Variants in BPTF observed in about 807,000 individuals in gnomAD.
The protein encoded by BPTF is nucleosome-remodeling factor subunit BPTF.
BPTF carries 18 observed loss-of-function variants against 292.5 expected under a neutral mutation model. That is an observed-to-expected ratio of 0.06 (90% CI 0.04 to 0.09). The LOEUF (loss-of-function observed/expected upper bound fraction) is 0.09. Among genes scored for constraint, BPTF ranks in the 10% least tolerant of loss-of-function variants. The pLI is 1.00. For synonymous variants in BPTF, 1,225 were observed against 1,251.9 expected (o/e 0.98, Z 0.45); for missense variants, 2,726 against 3,498.7 (o/e 0.78, Z 5.57).
At chr17:67,913,285 A>G in intron 11 of BPTF, 98 bp downstream of exon 11, 1 of 1,457,592 alleles carries the variant, frequency 6.9e-7, no homozygotes, top group Non-Finnish European at 9.1e-7. Context: ...AATAGAGATA[A>G]GACAGGAAAC....
chr17:67,890,200 C>T (rs374542465), intron 4 of BPTF, among the ~76,000 whole-genome samples: 23 of 152,246 alleles, frequency 1.5e-4, no homozygotes, highest in African/African-American at 5.3e-4. Context: ...ATACATCAAA[C>T]TTGCTTAAAA....
chr17:67,897,377 G>GT (rs2061524357), intron 7 of BPTF, among the ~76,000 whole-genome samples: 1 of 91,682 alleles, frequency 1.1e-5, no homozygotes, highest in East Asian at 3.2e-4. Flanking sequence ...AAAAAGTAAA[G>GT]AAAGAGACAT....
In BPTF at chr17:67,825,816, C is replaced by T. The variant is rs2055938658; in HGVS notation, c.92C>T (p.Pro31Leu). 1.6e-5 allele frequency: 16 copies of T among 1,024,780 alleles called. No homozygotes were observed. Among genetic ancestry groups the T allele is most frequent in the Non-Finnish European group, 1.9e-5 (16 of 857,758 alleles). The allele number at this position is 1,024,780 out of a possible 1,614,324, so 63.5% of individuals were successfully genotyped here. A position where few individuals can be genotyped will look rare whatever the true frequency, so the allele number is the denominator to read the frequency against. ...APAPPPPPPP[P>L]TSGPIGGLRS... is the part of the protein sequence containing the mutation. Reference sequence around the variant, plus strand: ...GCCCCGCCGCCACCGCCGCCGCCGCCCACGTCCGGACCCATCGGGGGGCTC... The same window carrying T: ...GCCCCGCCGCCACCGCCGCCGCCGCTCACGTCCGGACCCATCGGGGGGCTC... The change falls in exon 1 of 28, where the codon CCC (proline) becomes CTC (leucine). Residue 31 changes from proline (P) to leucine (L), a missense_variant. Transcript: ENST00000306378.
rs28677969 is a variant in BPTF at position 67,896,184 on chromosome 17, C to T, written c.2543+2019C>T. Among the ~76,000 whole-genome samples, 9 of 151,520 alleles carry T rather than the reference C, an allele frequency of 5.9e-5. No homozygotes were observed. In the South Asian group the frequency reaches 1.7e-3, roughly 28 times the overall value. On this transcript the variant is annotated intron_variant, in intron 7 of 27. Coordinates refer to ENST00000306378, the MANE Select transcript of BPTF (RefSeq NM_182641.4). Reference sequence around the variant, plus strand: ...TCACCGTGTTAGCCAGGATGGTCTCCATCTCCTGACCTTGTGATCCGCCCG... The same window carrying T: ...TCACCGTGTTAGCCAGGATGGTCTCTATCTCCTGACCTTGTGATCCGCCCG...
intron 4 of BPTF, among the ~76,000 whole-genome samples, chr17:67,878,061 T>TC (rs2060154895): frequency 1.3e-5 from 2 of 152,236 alleles, no homozygotes; most frequent in African/African-American, 2.4e-5. Flanking sequence ...CCACTACACC[T>TC]AGCCCAACAA....
intron 27 of BPTF, 161 bp from the exon 28 acceptor site, chr17:67,982,091 G>A (rs1401581119): frequency 1.5e-6 from 1 of 685,080 alleles, no homozygotes; most frequent in Admixed American, 2.1e-5. Flanking sequence ...AATATTATAG[G>A]TTAAAATTTT....
Position 67,874,909 on chromosome 17 carries a change from A to G in BPTF, c.1753A>G (p.Asn585Asp), listed in dbSNP as rs774586985. The stretch of plus-strand genomic sequence containing the variant: ...AGAAAAAGACAAGAATGAGACTGAG[A>G]ATGACTCTAAAGATGCTGAGAAAAA... Reference protein sequence around the residue: ...ETEKDKNETENDSKDAEKNRE... With the variant: ...ETEKDKNETEDDSKDAEKNRE... Residue 585 changes from asparagine (N) to aspartate (D), a missense_variant, in exon 4 of 28, where the codon AAT becomes GAT. By Grantham distance (23) the Asn-to-Asp change is conservative (BLOSUM62 1). Transcript: ENST00000306378. 1 of 1,613,708 alleles carries G rather than the reference A, an allele frequency of 6.2e-7. No homozygotes were observed.
intron 14 of BPTF, among the ~76,000 whole-genome samples, chr17:67,924,266 G>A (rs1162015243): frequency 6.6e-6 from 1 of 151,960 alleles, no homozygotes; most frequent in Non-Finnish European, 1.5e-5. Flanking sequence ...GAGCCACTGT[G>A]CCCAGCTCCG....
At chr17:67,931,036 G>GT (rs2064340654) in intron 17 of BPTF, among the ~76,000 whole-genome samples, 1 of 145,124 alleles carries the variant, frequency 6.9e-6, no homozygotes, top group African/African-American at 2.9e-5. Context: ...GGAAGCCAAG[G>GT]GGGGCGGATC....
intron 1 of BPTF, among the ~76,000 whole-genome samples, chr17:67,836,769 A>G (rs2057165377): frequency 6.6e-6 from 1 of 152,232 alleles, no homozygotes; most frequent in Non-Finnish European, 1.5e-5. Context: ...ATTATTTCAC[A>G]CACTTCTTAA....
At chr17:67,845,028 C>T (rs546331272) in intron 1 of BPTF, among the ~76,000 whole-genome samples, 1 of 152,352 alleles carries the variant, frequency 6.6e-6, no homozygotes, top group African/African-American at 2.4e-5. Context: ...CAGGCATGAG[C>T]CACTGCGCCC....
In BPTF at chr17:67,983,551, G is replaced by A. The variant is rs1490782425; in HGVS notation, c.*1263G>A. ...TTGTTGGTTTGTTTGTTTCTTCCAC[G>A]TAAGGAAAAGTAGTGTAAACAGTAG... On this transcript the variant is annotated 3_prime_UTR_variant, in exon 28 of 28. Coordinates refer to ENST00000306378, the MANE Select transcript of BPTF (RefSeq NM_182641.4). 6.6e-6 allele frequency: 1 copy of A among 152,532 alleles called. No individual in the cohort carries two copies. Among genetic ancestry groups the A allele is most frequent in the Non-Finnish European group, 1.5e-5 (1 of 68,034 alleles). The allele number at this position is 152,532 out of a possible 1,614,324, so 9.4% of individuals were successfully genotyped here.
At chr17:67,900,466 C>T (rs2061756950) in intron 7 of BPTF, among the ~76,000 whole-genome samples, 1 of 152,028 alleles carries the variant, frequency 6.6e-6, no homozygotes, top group East Asian at 2.0e-4. Context: ...TGTGGTGGCA[C>T]ATGCCTGTAA....
chr17:67,890,593 G>C (rs1183155815), intron 4 of BPTF, among the ~76,000 whole-genome samples: 1 of 152,178 alleles, frequency 6.6e-6, no homozygotes, highest in African/African-American at 2.4e-5. Context: ...GGGTCCTGCT[G>C]CTCGCTCCAA....
intron 27 of BPTF, among the ~76,000 whole-genome samples, chr17:67,977,252 C>T (rs1599058099): frequency 2.0e-5 from 3 of 152,232 alleles, no homozygotes; most frequent in Middle Eastern, 3.4e-3. Flanking sequence ...TGGTGGCTCA[C>T]GCCTGTAATC....
chr17:67,858,799 T>G (rs1442002552), intron 2 of BPTF, among the ~76,000 whole-genome samples: 1 of 152,154 alleles, frequency 6.6e-6, no homozygotes, highest in Non-Finnish European at 1.5e-5. Context: ...TCCTGTGCCT[T>G]CCTTTCTGTG....
chr17:67,861,700 C>T (rs1169031807), intron 2 of BPTF, among the ~76,000 whole-genome samples: 1 of 152,188 alleles, frequency 6.6e-6, no homozygotes, highest in Non-Finnish European at 1.5e-5. Flanking sequence ...CAATTACTTC[C>T]ATTTGCCCTT....
At chr17:67,981,991 A>T in intron 27 of BPTF, 1 of 752 alleles carries the variant, frequency 1.3e-3, no homozygotes. Context: ...ACAAATATAT[A>T]TATATATATA....
chr17:67,903,869 C>T lies in BPTF; in HGVS notation c.2624C>T (p.Thr875Met), dbSNP rs1448096700. The change falls in exon 8 of 28, where the codon ACG becomes ATG. Residue 875 changes from threonine (T) to methionine (M), a missense_variant. Physicochemically the swap from Thr to Met is moderately conservative, Grantham distance 81 (BLOSUM62 -1). Transcript: ENST00000306378. The stretch of plus-strand genomic sequence containing the variant: ...GAGAAGAAACAGGAAGAAGAAGAAA[C>T]GATGCAGCAAGCGACATGGGTAAAA... The part of the protein sequence containing the change: ...KKEKKQEEEE[T>M]MQQATWVKYT... 6 of 1,590,386 alleles carry T rather than the reference C, an allele frequency of 3.8e-6. No homozygotes were observed. Among genetic ancestry groups the T allele is most frequent in the African/African-American group, 1.4e-5 (1 of 73,064 alleles).
Sources: allele counts gnomAD v4.1 joint callset (sites outside exome capture counted in the v4.1 genomes callset), GRCh38; gene constraint gnomAD v4.1.1; transcripts MANE v1.5; gene names NCBI Gene and HGNC (gene_info 2026-07-23, HGNC 2026-07-21).